SEMA3C: variants seen among roughly 807,000 people sequenced by gnomAD.
The protein encoded by SEMA3C is semaphorin-3C.
Under a neutral mutation model 89.4 loss-of-function variants are expected in SEMA3C, and 47 were observed. That is an observed-to-expected ratio of 0.53 (90% CI 0.42 to 0.67). The LOEUF is 0.67. Among genes scored for constraint, SEMA3C ranks in the 30% least tolerant of loss-of-function variants. The pLI is 0.00. For synonymous variants in SEMA3C, 310 were observed against 320.2 expected (o/e 0.97, Z 0.34); for missense variants, 839 against 929.1 (o/e 0.90, Z 1.26).
chr7:80,809,309 G>T (rs1479551386), intron 6 of SEMA3C, among the ~76,000 whole-genome samples: 1 of 152,048 alleles, frequency 6.6e-6, no homozygotes, highest in African/African-American at 2.4e-5. Flanking sequence ...AATGAACTTG[G>T]CTAACACGTG....
At chr7:80,832,844 T>C (rs889508720) in intron 2 of SEMA3C, among the ~76,000 whole-genome samples, 17 of 152,178 alleles carry the variant, frequency 1.1e-4, no homozygotes, top group African/African-American at 3.9e-4. Flanking sequence ...TTGCAGTTTT[T>C]AGGCACCTTG....
intron 2 of SEMA3C, among the ~76,000 whole-genome samples, chr7:80,853,162 T>C (rs192138083): frequency 1.1e-4 from 16 of 152,104 alleles, no homozygotes; most frequent in African/African-American, 3.1e-4. Flanking sequence ...TTCCATACTA[T>C]TGATGAGAAT....
chr7:80,768,613 T>C lies in SEMA3C; in HGVS notation c.1355-3370A>G, dbSNP rs139093812. On this transcript the variant is annotated intron_variant, in intron 12 of 17. Transcript: ENST00000265361. ...TTAGAAGTGAAAAAACATTTGGGGA[T>C]GGGGATGCTGTGCAGAGACCTGTCA... 3.2e-3 allele frequency among the ~76,000 whole-genome samples: 482 copies of C among 151,892 alleles called. 2 individuals carry two copies. The highest frequency in any genetic ancestry group is 0.011 in the African/African-American group (437 of 41,424).
chr7:80,858,446 A>C (rs1213735517), intron 2 of SEMA3C, among the ~76,000 whole-genome samples: 1 of 152,206 alleles, frequency 6.6e-6, no homozygotes, highest in African/African-American at 2.4e-5. Context: ...CAAACTGAAA[A>C]AAACTGTGAA....
At chr7:80,810,522 C>T (rs1789442352) in intron 6 of SEMA3C, 89 bp downstream of exon 6, 2 of 945,914 alleles carry the variant, frequency 2.1e-6, no homozygotes, top group Non-Finnish European at 3.3e-6. Context: ...TACTATCATC[C>T]ACACAACCAT....
chr7:80,914,674 C>T (rs974474233), intron 2 of SEMA3C, among the ~76,000 whole-genome samples: 1 of 152,118 alleles, frequency 6.6e-6, no homozygotes, highest in Non-Finnish European at 1.5e-5. Context: ...ACCAGTAATA[C>T]ACCTGAGAAG....
intron 2 of SEMA3C, among the ~76,000 whole-genome samples, chr7:80,902,837 A>C (rs1030572287): frequency 3.0e-4 from 46 of 152,170 alleles, no homozygotes; most frequent in African/African-American, 1.0e-3. Context: ...GAGTATACCA[A>C]AACAGAACTG....
At chr7:80,789,627 G>T (rs1238712070) in intron 11 of SEMA3C, 99 bp from the exon 12 acceptor site, 1 of 776,396 alleles carries the variant, frequency 1.3e-6, no homozygotes, top group Non-Finnish European at 2.1e-6. Flanking sequence ...AGAAGCTCCA[G>T]TTGTTTTAAG....
At chr7:80,810,533 C>T (rs999998826) in intron 6 of SEMA3C, 78 bp downstream of exon 6, 1 of 1,102,008 alleles carries the variant, frequency 9.1e-7, no homozygotes, top group Non-Finnish European at 1.4e-6. Flanking sequence ...ACACAACCAT[C>T]AAGAATAGGT....
intron 13 of SEMA3C, among the ~76,000 whole-genome samples, chr7:80,763,302 C>T (rs7357313): frequency 6.6e-6 from 1 of 152,128 alleles, no homozygotes; most frequent in African/African-American, 2.4e-5. Context: ...CTCACATGCT[C>T]ATGACAGTGT....
rs1339153653 is a variant in SEMA3C, at chr7:80,758,375, G to A, written c.1599C>T (p.Ala533=). The change falls in exon 15 of 18, where the codon GCC becomes GCT. Residue 533 remains alanine (A), a synonymous_variant. Transcript: ENST00000265361. ...DCCLARDPYC[A]WDGHSCSRFY... The stretch of plus-strand genomic sequence containing the variant: ...ATCTGGAACAGGAATGGCCATCCCA[G>A]GCGCAATAAGGGTCCCGCGCCAGGC... The A allele has an allele frequency of 2.9e-5, 47 of 1,613,918 alleles. No homozygotes were observed. The highest frequency in any genetic ancestry group is 3.6e-5 in the Non-Finnish European group (43 of 1,180,004).
At chr7:80,835,301 T>C (rs1790100337) in intron 2 of SEMA3C, among the ~76,000 whole-genome samples, 1 of 152,180 alleles carries the variant, frequency 6.6e-6, no homozygotes, top group Non-Finnish European at 1.5e-5. Context: ...ATGTCCTAAT[T>C]ACTATTTCAC....
chr7:80,857,038 T>C (rs1790658109), intron 2 of SEMA3C, among the ~76,000 whole-genome samples: 1 of 152,154 alleles, frequency 6.6e-6, no homozygotes, highest in Non-Finnish European at 1.5e-5. Flanking sequence ...CACATGCGAC[T>C]GCATAATGGG....
chr7:80,887,858 T>C (rs1193876120), intron 2 of SEMA3C, among the ~76,000 whole-genome samples: 9 of 152,170 alleles, frequency 5.9e-5, no homozygotes, highest in Non-Finnish European at 1.5e-5. Context: ...AAAATATTGA[T>C]TTTTATATTA....
At chr7:80,787,614 T>C (rs902706796) in intron 12 of SEMA3C, among the ~76,000 whole-genome samples, 2 of 152,122 alleles carry the variant, frequency 1.3e-5, no homozygotes, top group African/African-American at 4.8e-5. Context: ...ATATTTTTCT[T>C]ATCATGAGAC....
rs569265662 is a variant in SEMA3C at position 80,803,113 on chromosome 7, T to A, written c.802-334A>T. Among the ~76,000 whole-genome samples the A allele has an allele frequency of 1.3e-3, 197 of 152,288 alleles. 1 individual carries two copies. Among genetic ancestry groups the A allele is most frequent in the African/African-American group, 4.1e-3 (172 of 41,564 alleles). On this transcript the variant is annotated intron_variant, in intron 8 of 17. Transcript: ENST00000265361. ...CATTTAATCTGCCTTTCCTTGATAA[T>A]TTATTGTCTTCAATTTGAACATAAA... is the stretch of plus-strand genomic sequence containing the variant.
chr7:80,827,606 A>G (rs976817710), intron 3 of SEMA3C, 119 bp from the exon 4 acceptor site: 7 of 588,510 alleles, frequency 1.2e-5, no homozygotes, highest in Admixed American at 4.1e-5. Flanking sequence ...AAGACTTTAA[A>G]ATTCTTTCTT....
intron 4 of SEMA3C, among the ~76,000 whole-genome samples, chr7:80,818,905 T>G (rs1356613964): frequency 6.6e-6 from 1 of 152,188 alleles, no homozygotes; most frequent in Non-Finnish European, 1.5e-5. Flanking sequence ...TCAGGAATAG[T>G]CAAAACATTA....
intron 12 of SEMA3C, among the ~76,000 whole-genome samples, chr7:80,780,863 C>T (rs1303715470): frequency 1.3e-5 from 2 of 152,152 alleles, no homozygotes; most frequent in Non-Finnish European, 2.9e-5. Flanking sequence ...TGGCCTGAGC[C>T]ACAAAGCAAG....
Sources: gnomAD v4.1 joint callset for allele counts (sites outside exome capture counted in the v4.1 genomes callset) on GRCh38, gnomAD v4.1.1 for gene constraint, MANE v1.5 for transcripts, NCBI Gene and HGNC (gene_info 2026-07-23, HGNC 2026-07-21) for gene names.